Variants in TET2 observed in about 807,000 individuals in gnomAD.
TET2 encodes the protein tet methylcytosine dioxygenase 2.
Under a neutral mutation model 142.9 loss-of-function variants are expected in TET2, and 299 were observed. That is an observed-to-expected ratio of 2.09 (90% CI 1.90 to 2.30). TET2 has a LOEUF of 2.30. TET2 is among the 30% of genes most tolerant of loss of function. The pLI is 0.00. For synonymous variants in TET2, 819 were observed against 849.0 expected (o/e 0.96, Z 0.61); for missense variants, 2,418 against 2,378.0 (o/e 1.02, Z -0.35).
At position 105,269,609 on chromosome 4, in the gene TET2, G is replaced by C. The variant is rs1193684921; in HGVS notation, c.4045-1G>C. ...CATTCACACACACTTTTATTTTTCAGATTGAATATGAACACAGAGCACCAG... is the reference window on the plus strand; with the variant it reads ...CATTCACACACACTTTTATTTTTCACATTGAATATGAACACAGAGCACCAG... On this transcript the variant is annotated splice_acceptor_variant, in intron 8 of 10. Transcript: ENST00000380013. LOFTEE classifies it high-confidence loss of function. 1.9e-6 allele frequency: 3 copies of C among 1,551,278 alleles called. No individual in the cohort carries two copies. Among genetic ancestry groups the C allele is most frequent in the South Asian group, 1.2e-5 (1 of 84,038 alleles).
chr4:105,270,636 G>C (rs1054810388), intron 9 of TET2, among the ~76,000 whole-genome samples: 1 of 151,572 alleles, frequency 6.6e-6, no homozygotes, highest in East Asian at 1.9e-4. Context: ...GATCGGTCTT[G>C]TAATTGGAGG....
chr4:105,237,803 T>C lies in TET2; in HGVS notation c.3409+452T>C, dbSNP rs1729048217. ...ATATTAGTTTCACAAGATTTCTGGC[T>C]AATAGGGAAATTATTATCTTCAGTC... On this transcript the variant is annotated intron_variant, in intron 3 of 10. Coordinates refer to ENST00000380013, the MANE Select transcript of TET2 (RefSeq NM_001127208.3). The C allele has an allele frequency of 4.5e-6, 5 of 1,118,672 alleles. No individual in the cohort carries two copies. In the South Asian group the frequency reaches 1.6e-4, roughly 35 times the overall value. 69.3% of individuals were successfully genotyped at this position (1,118,672 alleles called of 1,614,324 possible). A position where few individuals can be genotyped will look rare whatever the true frequency, so the allele number is the denominator to read the frequency against.
At chr4:105,266,951 CT>C (rs1730708831) in intron 8 of TET2, among the ~76,000 whole-genome samples, 1 of 151,788 alleles carries the variant, frequency 6.6e-6, no homozygotes, top group African/African-American at 2.4e-5. Context: ...TTATAATCAA[CT>C]TGCTTACAAT....
At chr4:105,205,536 A>G (rs1422642761) in intron 2 of TET2, among the ~76,000 whole-genome samples, 1 of 152,110 alleles carries the variant, frequency 6.6e-6, no homozygotes, top group African/African-American at 2.4e-5. Context: ...TACTATTCTG[A>G]TTTGTTCTCC....
At chr4:105,245,516 GAC>G (rs1729542659) in intron 6 of TET2, among the ~76,000 whole-genome samples, 1 of 152,030 alleles carries the variant, frequency 6.6e-6, no homozygotes, top group Non-Finnish European at 1.5e-5. Flanking sequence ...TTTTAGTAGA[GAC>G]AGGGTTTCTC....
rs1213612578 is a variant in TET2 at position 105,237,491 on chromosome 4, C to A, written c.3409+140C>A. On this transcript the variant is annotated intron_variant, in intron 3 of 10. Transcript: ENST00000380013. ...AAGGCTCATAAAAATCTGAAGCTTA[C>A]ATTTTTTGTCAAGTTACCGATGCTT... 3.7e-6 allele frequency: 6 copies of A among 1,604,640 alleles called. No homozygotes were observed. In the East Asian group the frequency reaches 1.3e-4, roughly 36 times the overall value.
At chr4:105,154,485 G>T (rs976924807) in intron 1 of TET2, among the ~76,000 whole-genome samples, 2 of 152,178 alleles carry the variant, frequency 1.3e-5, no homozygotes, top group African/African-American at 4.8e-5. Flanking sequence ...AGGCCAAGGC[G>T]GGAGACCAGA....
Position 105,236,136 on chromosome 4 carries a change from C to G in TET2, c.2194C>G (p.Pro732Ala), listed in dbSNP as rs199638510. ...TCATAAACAGGCAGCACAAACACAACCATCCCAGAGTTCACATCTCCCTCA... is the reference window on the plus strand; with the variant it reads ...TCATAAACAGGCAGCACAAACACAAGCATCCCAGAGTTCACATCTCCCTCA... The part of the protein sequence containing the change: ...KPHKQAAQTQ[P>A]SQSSHLPQNQ... Residue 732 changes from proline (P) to alanine (A), a missense_variant, in exon 3 of 11, where the codon CCA becomes GCA. Pro to Ala is a conservative substitution (Grantham distance 27, BLOSUM62 -1). Coordinates refer to ENST00000380013, the MANE Select transcript of TET2 (RefSeq NM_001127208.3). 25 of 1,613,980 alleles carry G rather than the reference C, an allele frequency of 1.5e-5. No homozygotes were observed. Among genetic ancestry groups the G allele is most frequent in the African/African-American group, 4.0e-5 (3 of 74,914 alleles).
At chr4:105,228,592 C>T (rs1728317930) in intron 2 of TET2, among the ~76,000 whole-genome samples, 1 of 151,932 alleles carries the variant, frequency 6.6e-6, no homozygotes, top group African/African-American at 2.4e-5. Flanking sequence ...AGTAGAAAAA[C>T]ATGTATTATG....
At chr4:105,267,764 A>T (rs1178128776) in intron 8 of TET2, among the ~76,000 whole-genome samples, 1 of 152,000 alleles carries the variant, frequency 6.6e-6, no homozygotes, top group Non-Finnish European at 1.5e-5. Context: ...TTGAAAAAAA[A>T]GCAAAAACCA....
At chr4:105,204,288 A>G (rs1726685548) in intron 2 of TET2, among the ~76,000 whole-genome samples, 1 of 150,950 alleles carries the variant, frequency 6.6e-6, no homozygotes, top group Non-Finnish European at 1.5e-5. Context: ...TACATTAGAA[A>G]ACTAATTACA....
At chr4:105,249,001 C>CTTTTT (rs60525299) in intron 6 of TET2, among the ~76,000 whole-genome samples, 1 of 131,790 alleles carries the variant, frequency 7.6e-6, no homozygotes, top group Non-Finnish European at 1.6e-5. Flanking sequence ...TTTTCTTTTT[C>CTTTTT]TTTTTTTTTT....
chr4:105,247,306 GTGTT>G (rs1441247627), intron 6 of TET2, among the ~76,000 whole-genome samples: 1 of 152,106 alleles, frequency 6.6e-6, no homozygotes, highest in African/African-American at 2.4e-5. Flanking sequence ...TATTTAGACT[GTGTT>G]TGTTCAAATT....
At chr4:105,214,301 A>AT (rs35390923) in intron 2 of TET2, among the ~76,000 whole-genome samples, 6,800 of 85,938 alleles carry the variant, frequency 0.079, 570 homozygotes, top group Middle Eastern at 0.1. Context: ...CCCGAGGGAG[A>AT]TTTTTTTTTT....
At chr4:105,212,725 C>T (rs1193199811) in intron 2 of TET2, among the ~76,000 whole-genome samples, 1 of 152,100 alleles carries the variant, frequency 6.6e-6, no homozygotes, top group Non-Finnish European at 1.5e-5. Flanking sequence ...TGCGGTAGCT[C>T]ACGCCTGTAA....
Position 105,275,077 on chromosome 4 carries a change from C to T in TET2, c.4567C>T (p.Gln1523Ter), listed in dbSNP as rs1248382089. 1.9e-6 allele frequency: 3 copies of T among 1,546,408 alleles called. No individual in the cohort carries two copies. Among genetic ancestry groups the T allele is most frequent in the Non-Finnish European group, 2.6e-6 (3 of 1,144,462 alleles). The stretch of plus-strand genomic sequence containing the variant: ...TTTGCGACTTTCAGGACCAGTCATG[C>T]AGCAGTCCCAGCAGCCCCAGCCTCT... ...ELLRLSGPVM[Q>*]QSQQPQPLQK... Residue 1523 changes from glutamine to a stop codon, truncating the protein, a stop_gained, in exon 11 of 11, where the codon CAG (glutamine) becomes TAG (stop). Coordinates refer to ENST00000380013, the MANE Select transcript of TET2 (RefSeq NM_001127208.3). LOFTEE classifies it low-confidence loss of function (END_TRUNC).
At chr4:105,165,731 A>C (rs1442078250) in intron 1 of TET2, among the ~76,000 whole-genome samples, 7 of 152,192 alleles carry the variant, frequency 4.6e-5, no homozygotes, top group Non-Finnish European at 7.4e-5. Context: ...GCATTTAGGG[A>C]AATACAGAAC....
chr4:105,232,227 A>G (rs1211286767), intron 2 of TET2, among the ~76,000 whole-genome samples: 2 of 152,154 alleles, frequency 1.3e-5, no homozygotes, highest in South Asian at 2.1e-4. Flanking sequence ...GTAGTATTCC[A>G]TGGTGTATAT....
At chr4:105,241,506 C>G in intron 4 of TET2, 77 bp downstream of exon 4, 1 of 1,499,638 alleles carries the variant, frequency 6.7e-7, no homozygotes, top group Non-Finnish European at 8.9e-7. Context: ...CCTTCACACA[C>G]AAAGCAGTAA....
Sources: gnomAD v4.1 joint callset for allele counts (sites outside exome capture counted in the v4.1 genomes callset) on GRCh38, gnomAD v4.1.1 for gene constraint, MANE v1.5 for transcripts, NCBI Gene and HGNC (gene_info 2026-07-23, HGNC 2026-07-21) for gene names.